The following RHCG variants were observed in gnomAD, a reference collection of about 807,000 sequenced individuals.
The protein encoded by RHCG is Rh family C glycoprotein.
In RHCG, 39 loss-of-function variants were observed where a neutral mutation model predicts 55.3. The observed-to-expected ratio is 0.70, with a 90% CI of 0.55 to 0.92. The LOEUF (loss-of-function observed/expected upper bound fraction) is 0.92. Among genes scored for constraint, RHCG ranks in the 40% least tolerant of loss-of-function variants. RHCG has a pLI of 0.00. For missense variants in RHCG, 635 were observed against 627.9 expected (o/e 1.01, Z -0.12); for synonymous variants, 250 against 246.8 (o/e 1.01, Z -0.12).
At position 89,481,795 on chromosome 15, in the gene RHCG, T is replaced by G. The variant is rs187965568; in HGVS notation, c.522+1272A>C. On this transcript the variant is annotated intron_variant, in intron 3 of 10. Coordinates refer to ENST00000268122, the MANE Select transcript of RHCG (RefSeq NM_016321.3). ...ATGCACTATTTATTTATTTGTTTTTTTTTGTTTGTTTGTTTGTTTTTTTGA... is the reference window on the plus strand; with the variant it reads ...ATGCACTATTTATTTATTTGTTTTTGTTTGTTTGTTTGTTTGTTTTTTTGA... Among the ~76,000 whole-genome samples, 413 of 152,264 alleles carry G rather than the reference T, an allele frequency of 2.7e-3. 6 individuals are homozygous for G. The highest frequency in any genetic ancestry group is 0.014 in the Admixed American group (210 of 15,276).
chr15:89,487,043 G>A (rs917328992), intron 1 of RHCG, 58 bp from the exon 2 acceptor site: 1 of 1,463,150 alleles, frequency 6.8e-7, no homozygotes, highest in Non-Finnish European at 9.1e-7. Context: ...TCCCAGCCCT[G>A]GGTCTGGGCC....
chr15:89,491,104 G>A (rs1482025422), intron 1 of RHCG, among the ~76,000 whole-genome samples: 1 of 152,174 alleles, frequency 6.6e-6, no homozygotes, highest in Admixed American at 6.5e-5. Context: ...CGAAGCTGAA[G>A]AGGACCAAGG....
intron 5 of RHCG, among the ~76,000 whole-genome samples, chr15:89,478,416 C>T (rs770932937): frequency 5.9e-5 from 9 of 152,194 alleles, no homozygotes; most frequent in Non-Finnish European, 7.3e-5. Context: ...TACCAGGTAC[C>T]GTGCTGCTGG....
At chr15:89,492,278 G>A (rs1227390315) in intron 1 of RHCG, among the ~76,000 whole-genome samples, 2 of 152,094 alleles carry the variant, frequency 1.3e-5, no homozygotes, top group African/African-American at 2.4e-5. Context: ...GCTTCCCTCT[G>A]TAGACGAGTC....
intron 2 of RHCG, 200 bp downstream of exon 2, chr15:89,486,599 A>AGAGTGAGTGTGTGTGTGT: frequency 1.2e-4 from 33 of 264,474 alleles, no homozygotes; most frequent in Admixed American, 2.4e-4. Flanking sequence ...AGAGAGAGAG[A>AGAGTGAGTGTGTGTGTGT]GTGTGTGTGT....
rs908038997 is a variant in RHCG, at chr15:89,477,502, C to G, written c.1112+15G>C. Reference sequence around the variant, plus strand: ...AGGGGGAAGCTCCATCCCACCGCACCTCCTCCACATTTACCCTTCTTTTCC... The same window carrying G: ...AGGGGGAAGCTCCATCCCACCGCACGTCCTCCACATTTACCCTTCTTTTCC... On this transcript the variant is annotated intron_variant, in intron 7 of 10. Transcript: ENST00000268122. This position sits in a 1 kb window ranked among gnomAD's most constrained non-coding sequence, Gnocchi z 4.5. 2.0e-5 allele frequency: 32 copies of G among 1,613,614 alleles called. No homozygotes were observed. The highest frequency in any genetic ancestry group is 2.7e-5 in the Non-Finnish European group (32 of 1,179,728).
rs963971583 is a variant in RHCG at position 89,491,623 on chromosome 15, C to T, written c.185-4638G>A. ...CTCTGCTAAAAATACAAAAATTAGCCGGGCAAGGTAGTGCACGCCTTTAAT... is the reference window on the plus strand; with the variant it reads ...CTCTGCTAAAAATACAAAAATTAGCTGGGCAAGGTAGTGCACGCCTTTAAT... On this transcript the variant is annotated intron_variant, in intron 1 of 10. Coordinates refer to ENST00000268122, the MANE Select transcript of RHCG (RefSeq NM_016321.3). Among the ~76,000 whole-genome samples the T allele has an allele frequency of 8.5e-5, 13 of 152,094 alleles. No homozygotes were observed. In the East Asian group the frequency reaches 1.4e-3, roughly 16 times the overall value.
rs775648586 is a variant in RHCG, at chr15:89,480,410, T to TG, written c.523-3dup. ...CATGGAGCCTCCTGCATCCTTCACC[T>TG]GGGGTGCAAGGGGCCTGTCAGACTC... On this transcript the variant is annotated splice_region_variant and splice_polypyrimidine_tract_variant and intron_variant, in intron 3 of 10. Transcript: ENST00000268122. 191 of 1,612,048 alleles carry TG rather than the reference T, an allele frequency of 1.2e-4. No individual in the cohort carries two copies. The highest frequency in any genetic ancestry group is 1.3e-4 in the Non-Finnish European group (149 of 1,178,604).
In RHCG at chr15:89,477,749, C is replaced by G. The variant is rs1199579137; in HGVS notation, c.975+88G>C. The G allele has an allele frequency of 6.2e-7, 1 of 1,602,930 alleles. No homozygotes were observed. Among genetic ancestry groups the G allele is most frequent in the Non-Finnish European group, 8.5e-7 (1 of 1,172,354 alleles). The stretch of plus-strand genomic sequence containing the variant: ...AGACCCAGGATTCTCTAGCCCTCAG[C>G]CCCCTCCCTAGGAACCCTCAGCTCA... On this transcript the variant is annotated intron_variant, in intron 6 of 10. Transcript: ENST00000268122. The surrounding 1 kb of genome is among the most constrained non-coding windows in gnomAD (Gnocchi z 4.5).
At chr15:89,478,360 C>A (rs940429675) in intron 5 of RHCG, among the ~76,000 whole-genome samples, 2 of 152,242 alleles carry the variant, frequency 1.3e-5, no homozygotes, top group African/African-American at 4.8e-5. Flanking sequence ...CCTATGGGGT[C>A]TAGACATAGG....
At chr15:89,489,394 G>A (rs1004129110) in intron 1 of RHCG, among the ~76,000 whole-genome samples, 2 of 152,066 alleles carry the variant, frequency 1.3e-5, no homozygotes, top group African/African-American at 4.8e-5. Flanking sequence ...AGAGTGCTGC[G>A]ATTACAGATG....
chr15:89,477,728 C>T lies in RHCG; in HGVS notation c.976-75G>A. 1 of 1,603,810 alleles carries T rather than the reference C, an allele frequency of 6.2e-7. No homozygotes were observed. The highest frequency in any genetic ancestry group is 1.1e-5 in the South Asian group (1 of 90,536). Reference sequence around the variant, plus strand: ...GTGGGGAGGCCGGGATTCCAGAGACCCAGGATTCTCTAGCCCTCAGCCCCC... The same window carrying T: ...GTGGGGAGGCCGGGATTCCAGAGACTCAGGATTCTCTAGCCCTCAGCCCCC... On this transcript the variant is annotated intron_variant, in intron 6 of 10. Transcript: ENST00000268122. This position sits in a 1 kb window ranked among gnomAD's most constrained non-coding sequence, Gnocchi z 4.5.
intron 9 of RHCG, among the ~76,000 whole-genome samples, chr15:89,475,048 GCCTT>G (rs1961117272): frequency 1.0e-5 from 1 of 95,894 alleles, no homozygotes; most frequent in African/African-American, 4.2e-5. Flanking sequence ...CTTCCTGCCC[GCCTT>G]CCTTCCTTCC....
At chr15:89,476,502 G>A (rs1271029386) in intron 9 of RHCG, among the ~76,000 whole-genome samples, 1 of 152,154 alleles carries the variant, frequency 6.6e-6, no homozygotes, top group Non-Finnish European at 1.5e-5. Context: ...CCTGACTATA[G>A]GTTGCTTCTG....
chr15:89,495,163 G>A (rs1961543357), intron 1 of RHCG, among the ~76,000 whole-genome samples: 1 of 152,274 alleles, frequency 6.6e-6, no homozygotes, highest in African/African-American at 2.4e-5. Flanking sequence ...TAGGCACCAA[G>A]TAACTATTAA....
At chr15:89,476,868 T>C in intron 8 of RHCG, 40 bp from the exon 9 acceptor site, 1 of 1,580,496 alleles carries the variant, frequency 6.3e-7, no homozygotes. Flanking sequence ...AGGAAGTGCC[T>C]TCTCTCTGCT....
chr15:89,477,290 A>AC lies in RHCG; in HGVS notation c.1113-85dup. 6.4e-7 allele frequency: 1 copy of AC among 1,567,096 alleles called. No individual in the cohort carries two copies. The highest frequency in any genetic ancestry group is 2.2e-5 in the East Asian group (1 of 44,446). On this transcript the variant is annotated intron_variant, in intron 7 of 10. Transcript: ENST00000268122. This position sits in a 1 kb window ranked among gnomAD's most constrained non-coding sequence, Gnocchi z 4.5. ...TGCCACCCCAAAAATGTGACCGGGT[A>AC]CCACGGGCCTCAGCCTTCCCACCCA...
rs151012544 is a variant in RHCG at position 89,483,288 on chromosome 15, G to C, written c.372-71C>G. 5.0e-4 allele frequency: 692 copies of C among 1,390,006 alleles called. 4 individuals carry two copies. The African/African-American group carries it at 9.1e-3, about 18-fold the overall frequency. The allele number at this position is 1,390,006 out of a possible 1,614,324, so 86.1% of individuals were successfully genotyped here. A position where few individuals can be genotyped will look rare whatever the true frequency, so the allele number is the denominator to read the frequency against. On this transcript the variant is annotated intron_variant, in intron 2 of 10. Coordinates refer to ENST00000268122, the MANE Select transcript of RHCG (RefSeq NM_016321.3). ...GTGGCACTGGAGGCCCTGGACTTTG[G>C]TCATATATGGATTTGGGCTTGTGGC...
chr15:89,496,509 C>G lies in RHCG; in HGVS notation c.36G>C (p.Pro12=). The change falls in exon 1 of 11, where the codon CCG becomes CCC. Residue 12 remains proline, a synonymous_variant. Coordinates refer to ENST00000268122, the MANE Select transcript of RHCG (RefSeq NM_016321.3). ...AWNTNLRWRL[P]LTCLLLQVIM... is the part of the protein sequence containing the mutation. ...TCACCTGCAGGAGCAGGCAGGTGAG[C>G]GGCAGCCGCCAGCGGAGGTTGGTGT... The G allele has an allele frequency of 6.2e-7, 1 of 1,612,728 alleles. No homozygotes were observed. Among genetic ancestry groups the G allele is most frequent in the South Asian group, 1.1e-5 (1 of 91,054 alleles).
Sources: allele counts gnomAD v4.1 joint callset (sites outside exome capture counted in the v4.1 genomes callset), GRCh38; gene constraint gnomAD v4.1.1; non-coding constraint Gnocchi (gnomAD v3.1); transcripts MANE v1.5; gene names NCBI Gene and HGNC (gene_info 2026-07-23, HGNC 2026-07-21).